The following CMTM8 variants were observed in gnomAD, a reference collection of about 807,000 sequenced individuals.
The protein encoded by CMTM8 is CKLF like MARVEL transmembrane domain containing 8, also known as CKLF-like MARVEL transmembrane domain-containing protein 8.
CMTM8 carries 12 observed loss-of-function variants against 18.6 expected under a neutral mutation model. The ratio of observed to expected loss-of-function variants is 0.65; its 90% CI spans 0.41 to 1.05. The LOEUF (loss-of-function observed/expected upper bound fraction) is 1.05, where lower values mean the gene tolerates loss of function less well. Among genes scored for constraint, CMTM8 ranks in the 50% least tolerant of loss-of-function variants. The probability of loss-of-function intolerance (pLI) is 0.00; values close to 1 mark genes in which losing one functional copy is unlikely to be tolerated. For missense variants in CMTM8, 217 were observed against 227.2 expected, an observed-to-expected ratio of 0.95 and a Z score of 0.29; for synonymous variants, 87 against 90.6, an observed-to-expected ratio of 0.96 and a Z score of 0.23.
chr3:32,341,367 C>T (rs1696489173), intron 1 of CMTM8, among the ~76,000 whole-genome samples: 1 of 152,230 alleles, frequency 6.6e-6, no homozygotes, highest in Non-Finnish European at 1.5e-5. Context: ...GCCAGCTTCT[C>T]TGTCTCAAAC....
At chr3:32,362,868 C>T (rs1421144720) in intron 2 of CMTM8, among the ~76,000 whole-genome samples, 3 of 152,168 alleles carry the variant, frequency 2.0e-5, no homozygotes, top group Non-Finnish European at 2.9e-5. Flanking sequence ...CCTGCTGTCA[C>T]CTGGTGGGAT....
rs536146566 is a variant in CMTM8 at position 32,327,762 on chromosome 3, G to A, written c.148-29611G>A. On this transcript the variant is annotated intron_variant, in intron 1 of 3. Transcript: ENST00000307526. ...AATATAGTGAGAGGAGAAACTGCCT[G>A]CACCCTCTTCAGTATTATGGCAGAT... is the stretch of plus-strand genomic sequence containing the variant. Among the ~76,000 whole-genome samples the A allele has an allele frequency of 2.6e-5, 4 of 152,336 alleles. No homozygotes were observed. In the South Asian group the frequency reaches 8.3e-4, roughly 32 times the overall value.
chr3:32,292,063 C>G (rs1702788107), intron 1 of CMTM8, among the ~76,000 whole-genome samples: 1 of 152,154 alleles, frequency 6.6e-6, no homozygotes, highest in African/African-American at 2.4e-5. Flanking sequence ...TCCGGATCAA[C>G]CTTGTGGTTT....
chr3:32,238,850 TCCTGCCCCGCGCGGGCCGCGCTCC>T lies in CMTM8; in HGVS notation c.-119_-96del, dbSNP rs1040470042. On this transcript the variant is annotated 5_prime_UTR_variant, in exon 1 of 4. Transcript: ENST00000307526. ...CCCCGGCGGGCGCCCCCCTCGCACC[TCCTGCCCCGCGCGGGCCGCGCTCC>T]CCTCCCCCGCGCCTGTGTCCCCAGG... is the stretch of plus-strand genomic sequence containing the variant. The T allele has an allele frequency of 1.1e-6, 1 of 902,506 alleles. No homozygotes were observed. The highest frequency in any genetic ancestry group is 1.8e-5 in the African/African-American group (1 of 56,210). 55.9% of individuals were successfully genotyped at this position (902,506 alleles called of 1,614,324 possible). A position where few individuals can be genotyped will look rare whatever the true frequency, so the allele number is the denominator to read the frequency against.
At chr3:32,302,819 G>A (rs900734482) in intron 1 of CMTM8, among the ~76,000 whole-genome samples, 3 of 152,200 alleles carry the variant, frequency 2.0e-5, no homozygotes, top group African/African-American at 7.2e-5. Flanking sequence ...TACACACCAA[G>A]TACCTGAAGT....
At chr3:32,269,223 G>A (rs1702398009) in intron 1 of CMTM8, among the ~76,000 whole-genome samples, 1 of 152,162 alleles carries the variant, frequency 6.6e-6, no homozygotes, top group Non-Finnish European at 1.5e-5. Flanking sequence ...TAGTTTTAGA[G>A]GGGAGAAATG....
intron 1 of CMTM8, among the ~76,000 whole-genome samples, chr3:32,274,718 A>G (rs1228147407): frequency 6.6e-6 from 1 of 152,240 alleles, no homozygotes; most frequent in African/African-American, 2.4e-5. Context: ...TGTCCAAGAT[A>G]GAGCACAAGA....
chr3:32,311,636 C>T (rs1575170991), intron 1 of CMTM8, among the ~76,000 whole-genome samples: 2 of 152,186 alleles, frequency 1.3e-5, no homozygotes, highest in East Asian at 1.9e-4. Context: ...ACTCCTGTTT[C>T]CTCTCTAGTA....
At position 32,357,428 on chromosome 3, in the gene CMTM8, C is replaced by G; in HGVS notation, c.203C>G (p.Pro68Arg). The change falls in exon 2 of 4, where the codon CCC (proline) becomes CGC (arginine). Residue 68 changes from proline to arginine, a missense_variant. By Grantham distance (103) the Pro-to-Arg change is moderately radical. Transcript: ENST00000307526. Reference protein sequence around the residue: ...LIAGTEYFRVPAFGWVMFVAV... With the variant: ...LIAGTEYFRVRAFGWVMFVAV... The stretch of plus-strand genomic sequence containing the variant: ...GCTGGAACTGAGTACTTCCGGGTCC[C>G]CGCATTTGGCTGGGTCATGTTTGTA... 6.2e-7 allele frequency: 1 copy of G among 1,614,104 alleles called. No homozygotes were observed. The highest frequency in any genetic ancestry group is 1.3e-5 in the African/African-American group (1 of 75,012).
intron 1 of CMTM8, chr3:32,259,054 C>T (rs771626984): frequency 5.2e-5 from 19 of 362,704 alleles, no homozygotes; most frequent in Admixed American, 4.5e-4. Flanking sequence ...TCTATGCAGG[C>T]GCCGGAGGGC....
At chr3:32,319,174 G>A (rs1695996189) in intron 1 of CMTM8, among the ~76,000 whole-genome samples, 2 of 145,418 alleles carry the variant, frequency 1.4e-5, no homozygotes, top group Admixed American at 1.4e-4. Context: ...TGCCTCTCGG[G>A]TTCAAGGGAT....
intron 1 of CMTM8, among the ~76,000 whole-genome samples, chr3:32,320,329 G>A (rs1452837590): frequency 6.6e-6 from 1 of 152,168 alleles, no homozygotes; most frequent in Non-Finnish European, 1.5e-5. Context: ...ATGCCACAAC[G>A]AGGAGGAACC....
chr3:32,291,637 T>A (rs951746851), intron 1 of CMTM8, among the ~76,000 whole-genome samples: 21 of 152,342 alleles, frequency 1.4e-4, no homozygotes, highest in African/African-American at 4.3e-4. Flanking sequence ...CTACCAAGCT[T>A]TAATACAGGG....
intron 1 of CMTM8, among the ~76,000 whole-genome samples, chr3:32,289,816 A>G (rs1337543328): frequency 1.3e-5 from 2 of 152,206 alleles, no homozygotes; most frequent in Admixed American, 6.5e-5. Context: ...TAGTAAGACA[A>G]GAATAAGAAA....
intron 1 of CMTM8, among the ~76,000 whole-genome samples, chr3:32,342,710 A>T (rs1304563332): frequency 6.6e-6 from 1 of 152,224 alleles, no homozygotes; most frequent in Non-Finnish European, 1.5e-5. Flanking sequence ...ACAAGTGTAA[A>T]AAGCTTCAGT....
intron 1 of CMTM8, among the ~76,000 whole-genome samples, chr3:32,240,720 TA>T (rs1246398179): frequency 6.6e-6 from 1 of 152,226 alleles, no homozygotes; most frequent in Non-Finnish European, 1.5e-5. Context: ...GGAAAACATG[TA>T]AGCAAAATCA....
intron 1 of CMTM8, among the ~76,000 whole-genome samples, chr3:32,350,524 A>ATTTT (rs35024397): frequency 1.5e-5 from 2 of 135,680 alleles, no homozygotes; most frequent in South Asian, 2.3e-4. Flanking sequence ...GGCCCAGCTA[A>ATTTT]TTTTTTTTTT....
At chr3:32,258,851 T>G in intron 1 of CMTM8, 1 of 173,444 alleles carries the variant, frequency 5.8e-6, no homozygotes, top group Non-Finnish European at 1.2e-5. Context: ...CCATGTTGGG[T>G]GTCATCCTTA....
chr3:32,278,585 G>A (rs772040129), intron 1 of CMTM8, among the ~76,000 whole-genome samples: 17 of 152,002 alleles, frequency 1.1e-4, no homozygotes, highest in Admixed American at 9.2e-4. Flanking sequence ...ATTTGTTGCC[G>A]CCTCTGTTTA....
Sources: allele counts gnomAD v4.1 joint callset (sites outside exome capture counted in the v4.1 genomes callset), GRCh38; gene constraint gnomAD v4.1.1; transcripts MANE v1.5; gene names NCBI Gene and HGNC (gene_info 2026-07-23, HGNC 2026-07-21).